The following IGF2R variants were observed in gnomAD, a reference collection of about 807,000 sequenced individuals.
The protein encoded by IGF2R is insulin like growth factor 2 receptor, also known as cation-independent mannose-6-phosphate receptor.
A neutral mutation model predicts 270.6 loss-of-function variants in IGF2R; 91 were observed. That is an observed-to-expected ratio of 0.34 (90% CI 0.28 to 0.40). The LOEUF is 0.40. Ranked by LOEUF, IGF2R falls within the 10% of genes least tolerant of loss-of-function variation. The pLI, the probability that IGF2R is intolerant of heterozygous loss-of-function variation, is 1.00. For missense variants in IGF2R, 2,805 were observed against 3,188.3 expected (o/e 0.88, Z 2.90); for synonymous variants, 1,316 against 1,258.9 (o/e 1.05, Z -0.96).
At chr6:159,980,837 T>C (rs1583239911) in intron 1 of IGF2R, among the ~76,000 whole-genome samples, 1 of 152,182 alleles carries the variant, frequency 6.6e-6, no homozygotes, top group Admixed American at 6.5e-5. Flanking sequence ...TTAAAGGCGG[T>C]TGGCCTCAGA....
Position 160,046,579 on chromosome 6 carries a change from ATGTG to A in IGF2R, c.1990_1993del (p.Cys664AlafsTer5). ...ACAAAGAAGTATGACTTTTATATAA[ATGTG>A]TGTGGCCCGGTGTCTGTGAGCCCCT... is the stretch of plus-strand genomic sequence containing the variant. On this transcript the variant is annotated frameshift_variant, in exon 15 of 48. Coordinates refer to ENST00000356956, the MANE Select transcript of IGF2R (RefSeq NM_000876.4). LOFTEE classifies it high-confidence loss of function. The A allele has an allele frequency of 6.2e-7, 1 of 1,614,018 alleles. No homozygotes were observed. Among genetic ancestry groups the A allele is most frequent in the South Asian group, 1.1e-5 (1 of 91,060 alleles).
chr6:160,097,496 A>G (rs1779390549), intron 45 of IGF2R, among the ~76,000 whole-genome samples: 1 of 151,998 alleles, frequency 6.6e-6, no homozygotes, highest in Non-Finnish European at 1.5e-5. Context: ...TGCCCTGCTA[A>G]TTTTTGTATT....
intron 4 of IGF2R, among the ~76,000 whole-genome samples, chr6:160,014,273 G>T: frequency 6.6e-6 from 1 of 152,206 alleles, no homozygotes; most frequent in Non-Finnish European, 1.5e-5. Flanking sequence ...ATATAAAACA[G>T]CATTAACTCA....
At chr6:160,013,679 C>A (rs940040553) in intron 4 of IGF2R, among the ~76,000 whole-genome samples, 3 of 152,110 alleles carry the variant, frequency 2.0e-5, no homozygotes, top group Non-Finnish European at 4.4e-5. Flanking sequence ...TTTTGGAATG[C>A]TTTCAGGGAG....
At chr6:160,097,610 G>A (rs889214247) in intron 45 of IGF2R, among the ~76,000 whole-genome samples, 7 of 152,340 alleles carry the variant, frequency 4.6e-5, no homozygotes, top group Admixed American at 3.3e-4. Flanking sequence ...CATTACAAGC[G>A]TGAGCTGCCA....
chr6:159,974,028 G>T (rs538156516), intron 1 of IGF2R, among the ~76,000 whole-genome samples: 1 of 152,294 alleles, frequency 6.6e-6, no homozygotes, highest in South Asian at 2.1e-4. Flanking sequence ...AATGGTGTAT[G>T]AGGAGGTGGG....
intron 21 of IGF2R, 77 bp downstream of exon 21, chr6:160,058,201 T>A: frequency 1.1e-6 from 1 of 942,644 alleles, no homozygotes; most frequent in Admixed American, 1.7e-5. Flanking sequence ...CTGCACGTGG[T>A]GATATGAGAG....
Position 160,102,599 on chromosome 6 carries a change from C to T in IGF2R, c.6923C>T (p.Ala2308Val), listed in dbSNP as rs147933063. 788 of 1,613,710 alleles carry T rather than the reference C, an allele frequency of 4.9e-4. 2 individuals are homozygous for T. The highest frequency in any genetic ancestry group is 8.5e-4 in the Middle Eastern group (5 of 5,882). The change falls in exon 46 of 48, where the codon GCG (alanine) becomes GTG (valine). Residue 2308 changes from alanine to valine, a missense_variant. Transcript: ENST00000356956. This position sits in a 1 kb window ranked among gnomAD's most constrained non-coding sequence, Gnocchi z 4.5. ...TCAGAACGGAGCCAGGCAGTCGGCG[C>T]GGTGCTCAGCCTGCTGCTGGTGGCG... Reference protein sequence around the residue: ...GLSERSQAVGAVLSLLLVALT... With the variant: ...GLSERSQAVGVVLSLLLVALT...
intron 2 of IGF2R, among the ~76,000 whole-genome samples, chr6:160,000,264 G>A (rs1310576064): frequency 6.6e-6 from 1 of 152,198 alleles, no homozygotes; most frequent in Non-Finnish European, 1.5e-5. Context: ...AAGCATGGCT[G>A]GGGAGGCCTC....
In IGF2R at chr6:160,104,930, A is replaced by G. The variant is rs773385350; in HGVS notation, c.7322A>G (p.Asn2441Ser). The G allele has an allele frequency of 6.8e-6, 11 of 1,614,170 alleles. No individual in the cohort carries two copies. The highest frequency in any genetic ancestry group is 4.5e-5 in the East Asian group (2 of 44,870). Residue 2441 changes from asparagine (N) to serine (S), a missense_variant, in exon 48 of 48, where the codon AAT becomes AGT. This residue lies in a region of IGF2R where 1,851 missense variants were observed against 2,207.2 expected (regional missense o/e 0.84). Transcript: ENST00000356956. ...CACCCAGTGAGAAACGCACAGAGCA[A>G]TGCCCTTCAGGAGCGTGAGGACGAT... ...SSHPVRNAQSNALQEREDDRV... is the reference protein window; with the variant it reads ...SSHPVRNAQSSALQEREDDRV...
At chr6:159,992,598 TCA>T (rs71033567) in intron 2 of IGF2R, among the ~76,000 whole-genome samples, 40,931 of 145,710 alleles carry the variant, frequency 0.28, 5,825 homozygotes, top group East Asian at 0.45. Context: ...AAGAATGAAA[TCA>T]CACACACACA....
Position 160,079,660 on chromosome 6 carries a change from A to C in IGF2R, c.5559A>C (p.Gly1853=). The change falls in exon 38 of 48, where the codon GGA becomes GGC. Residue 1853 remains glycine (G), a synonymous_variant. Transcript: ENST00000356956. The part of the protein sequence containing the change: ...VGPEQGGCKD[G]GVCLLSGTKG... Reference sequence around the variant, plus strand: ...CAGAACAAGGAGGCTGTAAGGACGGAGGAGTCTGTCTGCTCTCAGGCACCA... The same window carrying C: ...CAGAACAAGGAGGCTGTAAGGACGGCGGAGTCTGTCTGCTCTCAGGCACCA... The C allele has an allele frequency of 6.4e-7, 1 of 1,569,292 alleles. No individual in the cohort carries two copies. Among genetic ancestry groups the C allele is most frequent in the Middle Eastern group, 1.7e-4 (1 of 5,906 alleles).
chr6:160,012,688 A>T (rs1297158936), intron 4 of IGF2R, among the ~76,000 whole-genome samples: 1 of 151,096 alleles, frequency 6.6e-6, no homozygotes, highest in African/African-American at 2.4e-5. Context: ...ACAAGATTTG[A>T]GTGGGGACAC....
At chr6:160,044,733 A>T in intron 13 of IGF2R, 76 bp downstream of exon 13, 1 of 1,159,684 alleles carries the variant, frequency 8.6e-7, no homozygotes, top group Non-Finnish European at 1.2e-6. Flanking sequence ...TCTGTTCCTC[A>T]TCAGTCACTG....
chr6:160,090,126 G>T, intron 44 of IGF2R, 23 bp downstream of exon 44: 2 of 1,422,144 alleles, frequency 1.4e-6, no homozygotes, highest in Non-Finnish European at 1.9e-6. Context: ...TTCCCACAAA[G>T]TTCCACATTT....
chr6:160,063,196 G>T (rs1419496806), intron 26 of IGF2R, among the ~76,000 whole-genome samples: 2 of 151,810 alleles, frequency 1.3e-5, no homozygotes, highest in Non-Finnish European at 2.9e-5. Context: ...CTGCCACCAT[G>T]CCCAGCTAAT....
In IGF2R at chr6:160,027,278, A is replaced by G. The variant is rs768734491; in HGVS notation, c.740A>G (p.Gln247Arg). ...VRGHQAFDVGQPRDGLKLVRK... is the reference protein window; with the variant it reads ...VRGHQAFDVGRPRDGLKLVRK... ...GGACACCAGGCGTTTGATGTTGGCCAGCCCCGGGACGGACTGAAGCTGGTG... is the reference window on the plus strand; with the variant it reads ...GGACACCAGGCGTTTGATGTTGGCCGGCCCCGGGACGGACTGAAGCTGGTG... The change falls in exon 6 of 48, where the codon CAG becomes CGG. Residue 247 changes from glutamine (Q) to arginine (R), a missense_variant. Gln to Arg is a conservative substitution (Grantham distance 43). Transcript: ENST00000356956. The G allele has an allele frequency of 2.5e-6, 4 of 1,614,050 alleles. No individual in the cohort carries two copies. The South Asian group carries it at 3.3e-5, about 13-fold the overall frequency.
At chr6:160,039,794 C>T (rs938937604) in intron 10 of IGF2R, among the ~76,000 whole-genome samples, 1 of 152,114 alleles carries the variant, frequency 6.6e-6, no homozygotes, top group South Asian at 2.1e-4. Context: ...GTCAGCAAAG[C>T]CTCTGAATCT....
chr6:160,043,001 C>G, intron 11 of IGF2R, 147 bp from the exon 12 acceptor site: 1 of 765,160 alleles, frequency 1.3e-6, no homozygotes, highest in Middle Eastern at 2.5e-4. Flanking sequence ...TTCAGTCTGC[C>G]CGGGTTCCAG....
Sources: allele counts gnomAD v4.1 joint callset (sites outside exome capture counted in the v4.1 genomes callset), GRCh38; gene constraint gnomAD v4.1.1; regional missense constraint gnomAD v4.1.1; non-coding constraint Gnocchi (gnomAD v3.1); transcripts MANE v1.5; gene names NCBI Gene and HGNC (gene_info 2026-07-23, HGNC 2026-07-21).